The following CDH18 variants were observed in gnomAD, a reference collection of about 807,000 sequenced individuals.
CDH18 encodes the protein cadherin 18.
Under a neutral mutation model 67.9 loss-of-function variants are expected in CDH18, and 31 were observed. The ratio of observed to expected loss-of-function variants is 0.46; its 90% confidence interval spans 0.34 to 0.62. The LOEUF is 0.62. CDH18 is among the 20% of genes least tolerant of loss of function. The pLI is 0.01. For missense variants in CDH18, 890 were observed against 975.5 expected (o/e 0.91, Z 1.17); for synonymous variants, 362 against 347.2 (o/e 1.04, Z -0.48).
At chr5:20,236,192 A>G (rs1192599778) in intron 2 of CDH18, among the ~76,000 whole-genome samples, 1 of 152,070 alleles carries the variant, frequency 6.6e-6, no homozygotes, top group African/African-American at 2.4e-5. Context: ...TACCTTTGAA[A>G]CAAACCTGTA....
Position 19,935,248 on chromosome 5 carries a change from A to G in CDH18, c.-257+45812T>C, listed in dbSNP as rs13182252. Among the ~76,000 whole-genome samples, 3 of 150,968 alleles carry G rather than the reference A, an allele frequency of 2.0e-5. No individual in the cohort carries two copies. In the East Asian group the frequency reaches 5.8e-4, roughly 29 times the overall value. On this transcript the variant is annotated intron_variant, in intron 2 of 12. Transcript: ENST00000382275. ...ACTTGTCCCAACTTGGAAAGATGAG[A>G]ATTAACAGGTTTTGATTTGACTACT...
chr5:19,933,805 T>C (rs368158534), intron 2 of CDH18, among the ~76,000 whole-genome samples: 18 of 151,524 alleles, frequency 1.2e-4, no homozygotes, highest in African/African-American at 4.3e-4. Context: ...ATCCTTAAAA[T>C]GGTGAAAAGG....
At chr5:20,522,481 C>T (rs883155) in intron 1 of CDH18, among the ~76,000 whole-genome samples, 60,404 of 151,932 alleles carry the variant, frequency 0.4, 13,454 homozygotes, top group East Asian at 0.56. Context: ...TAGTTCACTG[C>T]ACCTGAATAT....
intron 1 of CDH18, among the ~76,000 whole-genome samples, chr5:20,446,245 A>G (rs564707270): frequency 2.6e-5 from 4 of 152,248 alleles, no homozygotes; most frequent in Admixed American, 2.0e-4. Context: ...TGTGCTTGCC[A>G]CAGACTTTAC....
chr5:19,732,879 T>C (rs1464924027), intron 4 of CDH18, among the ~76,000 whole-genome samples: 2 of 152,178 alleles, frequency 1.3e-5, no homozygotes, highest in Admixed American at 6.5e-5. Context: ...ACTTGTTTCT[T>C]CTCACCTACA....
At chr5:19,657,353 C>A (rs1036780276) in intron 5 of CDH18, among the ~76,000 whole-genome samples, 8 of 152,068 alleles carry the variant, frequency 5.3e-5, no homozygotes, top group Admixed American at 3.3e-4. Flanking sequence ...TTTTCAGTAA[C>A]ATTAACTCTC....
At chr5:20,141,780 C>A (rs185944072) in intron 2 of CDH18, among the ~76,000 whole-genome samples, 69 of 151,896 alleles carry the variant, frequency 4.5e-4, no homozygotes, top group Non-Finnish European at 9.1e-4. Context: ...GAAATGTAGG[C>A]AGTGAATTGA....
chr5:20,129,619 T>A (rs1180048713), intron 2 of CDH18, among the ~76,000 whole-genome samples: 1 of 152,074 alleles, frequency 6.6e-6, no homozygotes, highest in African/African-American at 2.4e-5. Flanking sequence ...AAACTTACTA[T>A]TTCTTTGTTG....
chr5:19,506,528 C>A (rs1051841155), intron 10 of CDH18, among the ~76,000 whole-genome samples: 2 of 152,136 alleles, frequency 1.3e-5, no homozygotes, highest in Admixed American at 6.5e-5. Flanking sequence ...GCTACAGTAA[C>A]CAAAACAGCA....
intron 1 of CDH18, among the ~76,000 whole-genome samples, chr5:20,502,703 A>T (rs1305591477): frequency 6.6e-6 from 1 of 152,226 alleles, no homozygotes; most frequent in Non-Finnish European, 1.5e-5. Context: ...AACAAGGTGT[A>T]TAATAAGAAA....
intron 3 of CDH18, among the ~76,000 whole-genome samples, chr5:19,809,956 G>A (rs143761491): frequency 5.5e-4 from 83 of 152,146 alleles, no homozygotes; most frequent in African/African-American, 2.0e-3. Flanking sequence ...TGGGAACATC[G>A]AGCACACACA....
chr5:20,414,726 C>G (rs769458145), intron 1 of CDH18, among the ~76,000 whole-genome samples: 20 of 152,298 alleles, frequency 1.3e-4, no homozygotes, highest in Non-Finnish European at 1.5e-4. Context: ...AGGTGGTCAA[C>G]ATCACTAATC....
chr5:19,855,942 A>G (rs1161321928), intron 2 of CDH18, among the ~76,000 whole-genome samples: 1 of 152,186 alleles, frequency 6.6e-6, no homozygotes, highest in Non-Finnish European at 1.5e-5. Context: ...AAAATGGCAG[A>G]AAAGACAGTT....
At chr5:19,530,527 C>T (rs1207776889) in intron 9 of CDH18, among the ~76,000 whole-genome samples, 2 of 152,138 alleles carry the variant, frequency 1.3e-5, no homozygotes, top group East Asian at 3.9e-4. Flanking sequence ...TGGTGTGCTG[C>T]ACCCATTAAC....
intron 1 of CDH18, among the ~76,000 whole-genome samples, chr5:20,377,312 C>T (rs139402693): frequency 6.6e-6 from 1 of 152,212 alleles, no homozygotes; most frequent in East Asian, 1.9e-4. Context: ...CTATTTTGTA[C>T]AAACTAACAT....
At chr5:19,491,978 C>CCT (rs1329063406) in intron 11 of CDH18, among the ~76,000 whole-genome samples, 1 of 151,512 alleles carries the variant, frequency 6.6e-6, no homozygotes, top group East Asian at 1.9e-4. Context: ...TTAAAGAATT[C>CCT]AAGTATCTAT....
At chr5:19,889,572 G>C (rs116763837) in intron 2 of CDH18, among the ~76,000 whole-genome samples, 1 of 151,870 alleles carries the variant, frequency 6.6e-6, no homozygotes, top group East Asian at 1.9e-4. Flanking sequence ...TTCTGCAGAA[G>C]AATTTATCTT....
At chr5:20,014,871 T>C (rs1245628018) in intron 2 of CDH18, among the ~76,000 whole-genome samples, 2 of 152,132 alleles carry the variant, frequency 1.3e-5, no homozygotes, top group East Asian at 1.9e-4. Context: ...CTGTTGATCA[T>C]TTGGTCAGAG....
intron 7 of CDH18, among the ~76,000 whole-genome samples, chr5:19,572,992 C>T (rs1741701330): frequency 6.6e-6 from 1 of 152,044 alleles, no homozygotes; most frequent in Non-Finnish European, 1.5e-5. Context: ...ATTTCATTTC[C>T]AAACCATATA....
Sources: gnomAD v4.1 joint callset for allele counts (sites outside exome capture counted in the v4.1 genomes callset) on GRCh38, gnomAD v4.1.1 for gene constraint, MANE v1.5 for transcripts, NCBI Gene and HGNC (gene_info 2026-07-23, HGNC 2026-07-21) for gene names.